MAP3K15: variants seen among roughly 807,000 people sequenced by gnomAD.
MAP3K15 encodes MAPK/ERK kinase kinase 15.
Under a neutral mutation model 99.5 loss-of-function variants are expected in MAP3K15, and 124 were observed. The ratio of observed to expected loss-of-function variants is 1.25; its 90% CI spans 1.08 to 1.45. MAP3K15 has a LOEUF of 1.45. MAP3K15 is among the 40% of genes most tolerant of loss of function. MAP3K15 has a pLI of 0.00. For synonymous variants in MAP3K15, 494 were observed against 439.6 expected, an observed-to-expected ratio of 1.12 and a Z score of -1.55; for missense variants, 1,242 against 1,079.7, an observed-to-expected ratio of 1.15 and a Z score of -2.11.
At chrX:19,374,777 C>A (rs1028471555) in intron 19 of MAP3K15, 117 bp from the exon 20 acceptor site, 9 of 637,422 alleles carry the variant, frequency 1.4e-5, no homozygotes, top group Non-Finnish European at 2.1e-5. Context: ...ATAATCCATG[C>A]CCCCTTGCAA....
intron 19 of MAP3K15, among the ~76,000 whole-genome samples, chrX:19,378,868 T>C (rs1338872920): frequency 9.0e-6 from 1 of 111,414 alleles, no homozygotes; most frequent in Non-Finnish European, 1.9e-5. Context: ...CCCCAGTACA[T>C]GGGCTGCCCT....
intron 19 of MAP3K15, among the ~76,000 whole-genome samples, chrX:19,377,982 C>T (rs769191624): frequency 2.7e-5 from 3 of 112,041 alleles, no homozygotes; most frequent in Non-Finnish European, 5.6e-5. Flanking sequence ...GCAGGGGCCT[C>T]GCCGGGCTGG....
chrX:19,467,552 A>T (rs1403185850), intron 3 of MAP3K15, among the ~76,000 whole-genome samples: 1 of 110,339 alleles, frequency 9.1e-6, no homozygotes, highest in Non-Finnish European at 1.9e-5. Flanking sequence ...ATGGATCACA[A>T]GGACAGGAGT....
Position 19,488,870 on chromosome X carries a change from G to A in MAP3K15, c.459C>T (p.Ile153=), listed in dbSNP as rs1307913628. ...RESFDMANNV[I]LYHDTDADTA... is the part of the protein sequence containing the mutation. ...TGTCGGCATCGGTGTCATGGTACAA[G>A]ATCACATTATTGGCCATGTCAAAGC... Residue 153 remains isoleucine, a synonymous_variant, in exon 2 of 29, where the codon ATC becomes ATT. Transcript: ENST00000338883. 8.3e-7 allele frequency: 1 copy of A among 1,199,455 alleles called. No individual in the cohort carries two copies. Among genetic ancestry groups the A allele is most frequent in the Admixed American group, 2.2e-5 (1 of 45,977 alleles).
chrX:19,418,448 G>A (rs1446779695), intron 9 of MAP3K15, among the ~76,000 whole-genome samples: 2 of 109,666 alleles, frequency 1.8e-5, no homozygotes, highest in East Asian at 5.6e-4. Flanking sequence ...ATCAGTGATG[G>A]AAGATCAAAT....
rs745964693 is a variant in MAP3K15, at chrX:19,362,786, G to A, written c.3631C>T (p.Gln1211Ter). 9 of 1,187,789 alleles carry A rather than the reference G, an allele frequency of 7.6e-6. No homozygotes were observed. The Admixed American group carries it at 1.6e-4, about 21-fold the overall frequency. ...AGGTGATACAATTCTTGAGTTTTCT[G>A]TTCTAGAGTTTGCCGCAGAAGATTC... is the stretch of plus-strand genomic sequence containing the variant. ...YQNLLRQTLE[Q>*]KTQELYHLQL... is the part of the protein sequence containing the mutation. The change falls in exon 26 of 29, where the codon CAG becomes TAG. Residue 1211 changes from glutamine to a stop codon, truncating the protein, a stop_gained. Coordinates refer to ENST00000338883, the MANE Select transcript of MAP3K15 (RefSeq NM_001001671.4). LOFTEE classifies it high-confidence loss of function.
chrX:19,507,575 CAAAAAAAAAAAAAAAAAAAAAA>C (rs1165492097), intron 1 of MAP3K15, among the ~76,000 whole-genome samples: 177 of 10,908 alleles, frequency 0.016, 11 homozygotes, highest in African/African-American at 0.05. Flanking sequence ...CACCTTGTCT[CAAAAAAAAAAAAAAAAAAAAAA>C]AAAAAAAAAA....
intron 3 of MAP3K15, among the ~76,000 whole-genome samples, chrX:19,483,210 A>T (rs1473309548): frequency 9.5e-6 from 1 of 105,597 alleles, no homozygotes; most frequent in Non-Finnish European, 1.9e-5. Flanking sequence ...GTGAGCCAAG[A>T]TCATGCCACT....
chrX:19,464,191 A>C (rs1409130916), intron 4 of MAP3K15, 22 bp downstream of exon 4: 20 of 1,169,639 alleles, frequency 1.7e-5, no homozygotes, highest in Non-Finnish European at 2.3e-5. Context: ...TCCAGGGGTT[A>C]CTGGTGGCAG....
chrX:19,427,371 G>A (rs1469188339), intron 7 of MAP3K15, among the ~76,000 whole-genome samples: 1 of 111,051 alleles, frequency 9.0e-6, no homozygotes, highest in African/African-American at 3.3e-5. Flanking sequence ...CATCGAAATG[G>A]CATCAATGGT....
intron 6 of MAP3K15, among the ~76,000 whole-genome samples, chrX:19,455,611 C>T (rs756155923): frequency 1.7e-4 from 17 of 101,493 alleles, no homozygotes; most frequent in Non-Finnish European, 3.4e-4. Flanking sequence ...CTGCCCGCCT[C>T]GGCCTCCCAA....
Position 19,486,375 on chromosome X carries a change from G to A in MAP3K15, c.525+107C>T, listed in dbSNP as rs148464103. The stretch of plus-strand genomic sequence containing the variant: ...CTCCTTAGAAACACAACCCACAGGC[G>A]TGATTAGAAGTCATCTTGCTACCTG... On this transcript the variant is annotated intron_variant, in intron 3 of 28. Coordinates refer to ENST00000338883, the MANE Select transcript of MAP3K15 (RefSeq NM_001001671.4). 290 of 324,450 alleles carry A rather than the reference G, an allele frequency of 8.9e-4. 1 individual carries two copies. Among genetic ancestry groups the A allele is most frequent in the African/African-American group, 6.8e-3 (248 of 36,732 alleles). 26.7% of individuals were successfully genotyped at this position (324,450 alleles called of 1,213,427 possible). A position where few individuals can be genotyped will look rare whatever the true frequency, so the allele number is the denominator to read the frequency against.
chrX:19,465,254 T>TAATA (rs1032250080), intron 3 of MAP3K15, among the ~76,000 whole-genome samples: 26 of 111,322 alleles, frequency 2.3e-4, no homozygotes, highest in Non-Finnish European at 5.7e-5. Context: ...TTCCAACCAT[T>TAATA]AATAAGTGTA....
At position 19,413,931 on chromosome X, in the gene MAP3K15, C is replaced by G. The variant is rs192894581; in HGVS notation, c.1591-467G>C. Among the ~76,000 whole-genome samples the G allele has an allele frequency of 4.3e-3, 467 of 109,379 alleles. 1 individual carries two copies. The highest frequency in any genetic ancestry group is 0.015 in the African/African-American group (451 of 30,053). The allele number at this position is 109,379 out of a possible 115,157, so 95.0% of individuals were successfully genotyped here. ...AGGAGGGCACTTTGGGAGGCCAAAG[C>G]AGGCGGATCACTTGAGGTCAGGAGT... On this transcript the variant is annotated intron_variant, in intron 10 of 28. Coordinates refer to ENST00000338883, the MANE Select transcript of MAP3K15 (RefSeq NM_001001671.4).
intron 3 of MAP3K15, among the ~76,000 whole-genome samples, chrX:19,481,467 T>C (rs1274037069): frequency 5.4e-5 from 6 of 111,254 alleles, no homozygotes; most frequent in Non-Finnish European, 1.1e-4. Context: ...ATGACCTTGG[T>C]TTGGGCTAAG....
intron 3 of MAP3K15, among the ~76,000 whole-genome samples, chrX:19,470,772 C>T (rs1270769432): frequency 8.9e-6 from 1 of 112,008 alleles, no homozygotes; most frequent in African/African-American, 3.2e-5. Context: ...GTGTGATCCA[C>T]ATATGGGAAA....
intron 7 of MAP3K15, among the ~76,000 whole-genome samples, chrX:19,427,362 A>G (rs1183340809): frequency 1.8e-5 from 2 of 111,341 alleles, no homozygotes; most frequent in African/African-American, 6.5e-5. Context: ...TTTTTATTAC[A>G]TCGAAATGGC....
intron 6 of MAP3K15, among the ~76,000 whole-genome samples, chrX:19,456,068 C>A (rs1226798782): frequency 9.0e-6 from 1 of 111,086 alleles, no homozygotes; most frequent in Non-Finnish European, 1.9e-5. Context: ...TCCACAGAGA[C>A]CATGAAGCTT....
chrX:19,499,901 A>G, intron 1 of MAP3K15, among the ~76,000 whole-genome samples: 1 of 112,633 alleles, frequency 8.9e-6, no homozygotes, highest in East Asian at 2.8e-4. Context: ...AAAGTTGTAC[A>G]GCTGAGATTT....
Sources: allele counts gnomAD v4.1 joint callset (sites outside exome capture counted in the v4.1 genomes callset), GRCh38; gene constraint gnomAD v4.1.1; transcripts MANE v1.5; gene names NCBI Gene and HGNC (gene_info 2026-07-23, HGNC 2026-07-21).